The following KCNC2 variants were observed in gnomAD, a reference collection of about 807,000 sequenced individuals.
The protein encoded by KCNC2 is voltage-gated potassium channel KCNC2.
A neutral mutation model predicts 44.5 loss-of-function variants in KCNC2; 21 were observed. The ratio of observed to expected loss-of-function variants is 0.47; its 90% CI spans 0.33 to 0.68. The LOEUF (loss-of-function observed/expected upper bound fraction) is 0.68. Among genes scored for constraint, KCNC2 ranks in the 30% least tolerant of loss-of-function variants. KCNC2 has a pLI of 0.01. For missense variants in KCNC2, 589 were observed against 826.2 expected (o/e 0.71, Z 3.52); for synonymous variants, 391 against 339.1 (o/e 1.15, Z -1.68).
In KCNC2 at chr12:75,043,180, G is replaced by A. The variant is rs757206064; in HGVS notation, c.1842C>T (p.Leu614=). Reference sequence around the variant, plus strand: ...AGTTGTAGGGTGATGTTACTGGAGAGAGCCTCAGAGCATTGCCTGCCAAGC... The same window carrying A: ...AGTTGTAGGGTGATGTTACTGGAGAAAGCCTCAGAGCATTGCCTGCCAAGC... ...IAGLAGNALR[L]SPVTSPYNSP... The change falls in exon 5 of 5, where the codon CTC becomes CTT. Residue 614 remains leucine (L), a synonymous_variant. Coordinates refer to ENST00000549446, the MANE Select transcript of KCNC2 (RefSeq NM_139137.4). 6.2e-7 allele frequency: 1 copy of A among 1,612,396 alleles called. No individual in the cohort carries two copies. Among genetic ancestry groups the A allele is most frequent in the African/African-American group, 1.3e-5 (1 of 74,746 alleles).
At chr12:75,074,154 T>G (rs1327594706) in intron 2 of KCNC2, among the ~76,000 whole-genome samples, 1 of 152,000 alleles carries the variant, frequency 6.6e-6, no homozygotes, top group Non-Finnish European at 1.5e-5. Context: ...AAGGAAAATA[T>G]TCTATTACAG....
At chr12:75,141,682 A>T (rs1410260878) in intron 2 of KCNC2, among the ~76,000 whole-genome samples, 1 of 152,150 alleles carries the variant, frequency 6.6e-6, no homozygotes, top group Non-Finnish European at 1.5e-5. Flanking sequence ...TCCATGTTTG[A>T]GTAATGTTGT....
chr12:75,043,362 G>T, intron 4 of KCNC2, 121 bp from the exon 5 acceptor site: 11 of 1,430,908 alleles, frequency 7.7e-6, no homozygotes, highest in Non-Finnish European at 1.0e-5. Context: ...TGTTTACAAA[G>T]AATTTAATAT....
In KCNC2 at chr12:75,041,369, C is replaced by T; in HGVS notation, c.*1736G>A. The T allele has an allele frequency of 7.0e-7, 1 of 1,437,734 alleles. No homozygotes were observed. The highest frequency in any genetic ancestry group is 2.6e-5 in the East Asian group (1 of 38,774). The allele number at this position is 1,437,734 out of a possible 1,614,324, so 89.1% of individuals were successfully genotyped here. Reference sequence around the variant, plus strand: ...ATACATTGCTGTACAACATCTCCAACATGCAGGTCATGCTCTAGGACTTGG... The same window carrying T: ...ATACATTGCTGTACAACATCTCCAATATGCAGGTCATGCTCTAGGACTTGG... On this transcript the variant is annotated 3_prime_UTR_variant, in exon 5 of 5. Coordinates refer to ENST00000549446, the MANE Select transcript of KCNC2 (RefSeq NM_139137.4).
intron 2 of KCNC2, among the ~76,000 whole-genome samples, chr12:75,097,605 C>G (rs1886040545): frequency 6.6e-6 from 1 of 151,956 alleles, no homozygotes; most frequent in East Asian, 1.9e-4. Flanking sequence ...TTCTATTTTT[C>G]TATTTTCTAA....
intron 2 of KCNC2, among the ~76,000 whole-genome samples, chr12:75,083,773 T>G (rs922422789): frequency 4.6e-5 from 7 of 151,934 alleles, no homozygotes; most frequent in African/African-American, 1.4e-4. Flanking sequence ...AACTCAACAT[T>G]TTAATCCTTT....
intron 2 of KCNC2, among the ~76,000 whole-genome samples, chr12:75,084,519 A>G (rs1323134735): frequency 6.6e-6 from 1 of 151,946 alleles, no homozygotes; most frequent in Non-Finnish European, 1.5e-5. Context: ...TGAGTTTATC[A>G]GGGGTTTCTG....
rs1889882722 is a variant in KCNC2, at chr12:75,144,613, T to C, written c.687+62684A>G. On this transcript the variant is annotated intron_variant, in intron 2 of 4. Coordinates refer to ENST00000549446, the MANE Select transcript of KCNC2 (RefSeq NM_139137.4). ...ATATACACATTTTTGTGTATGTGGG[T>C]GTACTTTTGTGTGTGTGTGTGTGTG... Among the ~76,000 whole-genome samples, 4 of 138,120 alleles carry C rather than the reference T, an allele frequency of 2.9e-5. No individual in the cohort carries two copies. In the Admixed American group the frequency reaches 3.1e-4, roughly 11 times the overall value. 90.6% of individuals were successfully genotyped at this position (138,120 alleles called of 152,430 possible). A position where few individuals can be genotyped will look rare whatever the true frequency, so the allele number is the denominator to read the frequency against.
At chr12:75,092,896 C>T (rs1374465803) in intron 2 of KCNC2, among the ~76,000 whole-genome samples, 1 of 151,404 alleles carries the variant, frequency 6.6e-6, no homozygotes, top group Non-Finnish European at 1.5e-5. Context: ...TATTATATTG[C>T]AGTAGAAGTC....
chr12:75,160,213 C>T (rs1432218278), intron 2 of KCNC2, among the ~76,000 whole-genome samples: 1 of 151,620 alleles, frequency 6.6e-6, no homozygotes, highest in African/African-American at 2.4e-5. Context: ...GACACAGACA[C>T]CAGGAATGGA....
rs1437445109 is a variant in KCNC2 at position 75,043,072 on chromosome 12, A to G, written c.*33T>C. ...GGTAAACAGCACTTGAATTAATACAATTTAGCCGACTGATGCAGTTTGGTT... is the reference window on the plus strand; with the variant it reads ...GGTAAACAGCACTTGAATTAATACAGTTTAGCCGACTGATGCAGTTTGGTT... On this transcript the variant is annotated 3_prime_UTR_variant, in exon 5 of 5. Transcript: ENST00000549446. 6 of 1,609,352 alleles carry G rather than the reference A, an allele frequency of 3.7e-6. No homozygotes were observed. Among genetic ancestry groups the G allele is most frequent in the Non-Finnish European group, 5.1e-6 (6 of 1,177,682 alleles).
intron 2 of KCNC2, among the ~76,000 whole-genome samples, chr12:75,120,585 C>T (rs1235019637): frequency 6.6e-6 from 1 of 152,142 alleles, no homozygotes; most frequent in Non-Finnish European, 1.5e-5. Flanking sequence ...GAAGCCAAAG[C>T]CATGAAAAGA....
chr12:75,086,401 C>T (rs1266302600), intron 2 of KCNC2, among the ~76,000 whole-genome samples: 1 of 151,932 alleles, frequency 6.6e-6, no homozygotes, highest in East Asian at 1.9e-4. Context: ...AATTATCAGA[C>T]AAATTTAACT....
chr12:75,176,458 T>C (rs1892189002), intron 2 of KCNC2, among the ~76,000 whole-genome samples: 1 of 151,972 alleles, frequency 6.6e-6, no homozygotes, highest in African/African-American at 2.4e-5. Flanking sequence ...CTACAAGCCC[T>C]GTAAGATCTA....
chr12:75,168,155 G>A (rs537341146), intron 2 of KCNC2, among the ~76,000 whole-genome samples: 2 of 151,258 alleles, frequency 1.3e-5, no homozygotes, highest in Admixed American at 6.6e-5. Flanking sequence ...GAGAAAAACC[G>A]AAATACATTA....
intron 2 of KCNC2, among the ~76,000 whole-genome samples, chr12:75,165,132 T>C (rs1280182181): frequency 6.6e-6 from 1 of 151,652 alleles, no homozygotes. Flanking sequence ...GGAGAACTGA[T>C]AGAGGCAATT....
chr12:75,179,661 T>A (rs953295915), intron 2 of KCNC2, among the ~76,000 whole-genome samples: 1 of 150,098 alleles, frequency 6.7e-6, no homozygotes, highest in Admixed American at 6.6e-5. Context: ...ATAAAACTAC[T>A]TTTATATCTT....
intron 2 of KCNC2, among the ~76,000 whole-genome samples, chr12:75,134,269 G>A (rs11180376): frequency 0.16 from 24,974 of 151,650 alleles, 2,607 homozygotes; most frequent in African/African-American, 0.28. Flanking sequence ...CCTATAATAG[G>A]CATTAAGTGA....
At chr12:75,115,961 A>T (rs1295481827) in intron 2 of KCNC2, among the ~76,000 whole-genome samples, 1 of 152,154 alleles carries the variant, frequency 6.6e-6, no homozygotes, top group Non-Finnish European at 1.5e-5. Flanking sequence ...CGCAGCAACT[A>T]TAATTTATTT....
Sources: gnomAD v4.1 joint callset for allele counts (sites outside exome capture counted in the v4.1 genomes callset) on GRCh38, gnomAD v4.1.1 for gene constraint, MANE v1.5 for transcripts, NCBI Gene and HGNC (gene_info 2026-07-23, HGNC 2026-07-21) for gene names.